LMF1: variants seen among roughly 807,000 people sequenced by gnomAD.
LMF1 encodes transmembrane protein 112.
Under a neutral mutation model 60.6 loss-of-function variants are expected in LMF1, and 68 were observed. The observed-to-expected ratio is 1.12, with a 90% CI of 0.92 to 1.37. LMF1 has a LOEUF of 1.37. Ranked by LOEUF, LMF1 falls within the 40% of genes most tolerant of loss-of-function variation. The pLI is 0.00. For synonymous variants in LMF1, 418 were observed against 324.7 expected, an observed-to-expected ratio of 1.29 and a Z score of -3.09; for missense variants, 948 against 767.2, an observed-to-expected ratio of 1.24 and a Z score of -2.78.
At chr16:945,369 T>TA (rs1435598564) in intron 2 of LMF1, among the ~76,000 whole-genome samples, 1 of 151,680 alleles carries the variant, frequency 6.6e-6, no homozygotes, top group African/African-American at 2.4e-5. Flanking sequence ...CTACAAAAAA[T>TA]AAAAATATTA....
intron 1 of LMF1, among the ~76,000 whole-genome samples, chr16:955,303 G>A (rs1433590336): frequency 6.9e-6 from 1 of 145,130 alleles, no homozygotes; most frequent in East Asian, 2.0e-4. Context: ...AGGCGTGCCT[G>A]CAGCAGACGC....
intron 10 of LMF1, chr16:856,085 AGAG>A (rs1567129747): frequency 5.0e-6 from 2 of 402,630 alleles, no homozygotes; most frequent in East Asian, 7.1e-5. Flanking sequence ...AGCAGCTCCA[AGAG>A]GAGTGGGGTC....
At chr16:967,323 C>T (rs545579261) in intron 1 of LMF1, among the ~76,000 whole-genome samples, 22 of 152,350 alleles carry the variant, frequency 1.4e-4, no homozygotes, top group Admixed American at 9.8e-4. Flanking sequence ...AACGCCGGGC[C>T]ACAACGTCGA....
intron 4 of LMF1, among the ~76,000 whole-genome samples, chr16:896,668 G>T (rs567261553): frequency 6.6e-6 from 1 of 152,126 alleles, no homozygotes; most frequent in African/African-American, 2.4e-5. Context: ...CGGCTCCACC[G>T]GGCAGGGGCA....
rs1222911429 is a variant in LMF1 at position 916,884 on chromosome 16, C to T, written c.515-5805G>A. 2.0e-5 allele frequency among the ~76,000 whole-genome samples: 3 copies of T among 152,244 alleles called. No homozygotes were observed. In the East Asian group the frequency reaches 5.8e-4, roughly 29 times the overall value. ...CCTCCCGGGTGTCCCCTCGCAGATCCTCTGAGTGTTGAGCTCCGGGTCTGT... is the reference window on the plus strand; with the variant it reads ...CCTCCCGGGTGTCCCCTCGCAGATCTTCTGAGTGTTGAGCTCCGGGTCTGT... On this transcript the variant is annotated intron_variant, in intron 3 of 10. Transcript: ENST00000262301.
chr16:913,993 G>A (rs974957803), intron 3 of LMF1, among the ~76,000 whole-genome samples: 1 of 152,222 alleles, frequency 6.6e-6, no homozygotes, highest in Non-Finnish European at 1.5e-5. Flanking sequence ...ATGCCACATG[G>A]CGCCTCTTGG....
intron 2 of LMF1, among the ~76,000 whole-genome samples, chr16:937,843 T>C (rs1427081537): frequency 6.6e-6 from 1 of 152,176 alleles, no homozygotes; most frequent in Non-Finnish European, 1.5e-5. Context: ...TGGAGGCCTA[T>C]CTAGAGTGTG....
intron 3 of LMF1, among the ~76,000 whole-genome samples, chr16:916,520 G>C (rs2071282901): frequency 6.6e-6 from 1 of 152,224 alleles, no homozygotes. Flanking sequence ...CGGAACAGGG[G>C]CTGTGGGCTA....
intron 5 of LMF1, among the ~76,000 whole-genome samples, chr16:883,498 T>G (rs1429002779): frequency 6.6e-6 from 1 of 152,214 alleles, no homozygotes; most frequent in Non-Finnish European, 1.5e-5. Flanking sequence ...AGTGTTGAAC[T>G]CTGATGTTAC....
rs1172735004 is a variant in LMF1, at chr16:870,821, C to T, written c.1140G>A (p.Val380=). ...SLGVLLAWLS[V]PVVLNLLSSR... ...AGCTCAGCAAGTTGAGGACCACGGG[C>T]ACGCTGAGCCAGGCCAGCAGGACGC... Residue 380 remains valine, a synonymous_variant, in exon 8 of 11, where the codon GTG becomes GTA. Transcript: ENST00000262301. 5 of 1,612,500 alleles carry T rather than the reference C, an allele frequency of 3.1e-6. No homozygotes were observed. The highest frequency in any genetic ancestry group is 2.2e-5 in the East Asian group (1 of 44,870).
intron 1 of LMF1, chr16:980,663 C>CA (rs2151515481): frequency 6.6e-6 from 1 of 151,196 alleles, no homozygotes; most frequent in South Asian, 2.1e-4. Context: ...GGATCCGAGC[C>CA]ACCCTCGGGG....
intron 3 of LMF1, among the ~76,000 whole-genome samples, chr16:915,180 G>T (rs1385552463): frequency 6.6e-6 from 1 of 152,244 alleles, no homozygotes; most frequent in African/African-American, 2.4e-5. Flanking sequence ...GAGCCAAGGG[G>T]CGACCAAGGG....
intron 3 of LMF1, among the ~76,000 whole-genome samples, chr16:913,713 C>A (rs1055054875): frequency 6.6e-6 from 1 of 152,214 alleles, no homozygotes; most frequent in Non-Finnish European, 1.5e-5. Flanking sequence ...CGTCTCGGGG[C>A]ATCAGAAAAG....
chr16:861,173 T>C (rs1254426973), intron 10 of LMF1, among the ~76,000 whole-genome samples: 2 of 152,174 alleles, frequency 1.3e-5, no homozygotes, highest in Non-Finnish European at 2.9e-5. Context: ...GCATGTAAGT[T>C]CTGTGCATGT....
At chr16:869,447 G>A (rs1019995676) in intron 9 of LMF1, 23 of 543,704 alleles carry the variant, frequency 4.2e-5, no homozygotes, top group African/African-American at 1.5e-4. Flanking sequence ...TTTCCTGTTC[G>A]CTGAGACAGG....
chr16:860,687 TTTGAG>T (rs1245999769), intron 10 of LMF1, among the ~76,000 whole-genome samples: 2 of 152,184 alleles, frequency 1.3e-5, no homozygotes, highest in African/African-American at 4.8e-5. Context: ...CAGGATCCGT[TTTGAG>T]TTATTTTTGT....
intron 10 of LMF1, among the ~76,000 whole-genome samples, chr16:865,492 G>A (rs1293729936): frequency 2.0e-5 from 3 of 152,186 alleles, no homozygotes; most frequent in South Asian, 2.1e-4. Flanking sequence ...TGGGATTACA[G>A]GCGTGTGGCA....
rs1429155103 is a variant in LMF1, at chr16:962,197, C to T, written c.194-7531G>A. Among the ~76,000 whole-genome samples the T allele has an allele frequency of 4.4e-5, 5 of 112,414 alleles. 1 individual carries two copies. Among genetic ancestry groups the T allele is most frequent in the Admixed American group, 2.8e-4 (3 of 10,764 alleles). The allele number at this position is 112,414 out of a possible 152,430, so 73.7% of individuals were successfully genotyped here. A position where few individuals can be genotyped will look rare whatever the true frequency, so the allele number is the denominator to read the frequency against. ...GACTCACGGTGACAGCACGGGATCA[C>T]GACCCAGACACAGACTCACGGTGAC... On this transcript the variant is annotated intron_variant, in intron 1 of 10. Coordinates refer to ENST00000262301, the MANE Select transcript of LMF1 (RefSeq NM_022773.4). The surrounding 1 kb of genome is among the most constrained non-coding windows in gnomAD (Gnocchi z 4.5).
At position 925,086 on chromosome 16, in the gene LMF1, C is replaced by A. The variant is rs1212261862; in HGVS notation, c.514+9158G>T. Among the ~76,000 whole-genome samples the A allele has an allele frequency of 5.3e-5, 8 of 152,204 alleles. 1 individual carries two copies. Among genetic ancestry groups the A allele is most frequent in the Non-Finnish European group, 1.2e-4 (8 of 68,042 alleles). ...GCCTGCTGGGCTGAGCTGCCCCCTG[C>A]GGAATGGGTGGTGACGAAACCGCCC... On this transcript the variant is annotated intron_variant, in intron 3 of 10. Coordinates refer to ENST00000262301, the MANE Select transcript of LMF1 (RefSeq NM_022773.4).
Sources: gnomAD v4.1 joint callset for allele counts (sites outside exome capture counted in the v4.1 genomes callset) on GRCh38, gnomAD v4.1.1 for gene constraint, Gnocchi (gnomAD v3.1) non-coding constraint, MANE v1.5 for transcripts, NCBI Gene and HGNC (gene_info 2026-07-23, HGNC 2026-07-21) for gene names.